Variants in CNKSR2 observed in about 807,000 individuals in gnomAD.
CNKSR2 encodes connector enhancer of kinase suppressor of Ras 2.
CNKSR2 carries 14 observed loss-of-function variants against 84.4 expected under a neutral mutation model. The ratio of observed to expected loss-of-function variants is 0.17; its 90% confidence interval spans 0.11 to 0.26. The LOEUF (loss-of-function observed/expected upper bound fraction) is 0.26. CNKSR2 is among the 10% of genes least tolerant of loss of function. The pLI is 1.00. For missense variants in CNKSR2, 485 were observed against 771.2 expected (o/e 0.63, Z 4.40); for synonymous variants, 275 against 277.9 (o/e 0.99, Z 0.10).
At position 21,654,110 on chromosome X, in the gene CNKSR2, C is replaced by A. The variant is rs1296120097; in HGVS notation, c.*1589C>A. The A allele has an allele frequency of 9.1e-6, 1 of 109,449 alleles. No homozygotes were observed. Among genetic ancestry groups the A allele is most frequent in the Non-Finnish European group, 1.9e-5 (1 of 52,560 alleles). 9.0% of individuals were successfully genotyped at this position (109,449 alleles called of 1,213,427 possible). On this transcript the variant is annotated 3_prime_UTR_variant, in exon 22 of 22. Transcript: ENST00000379510. ...CTTTCTACAGCACATTTTCAGTAAT[C>A]CTATATTTAGTCAAAATGGATGAGA...
chrX:21,546,789 A>G (rs925001398), intron 11 of CNKSR2, among the ~76,000 whole-genome samples: 3 of 112,029 alleles, frequency 2.7e-5, no homozygotes, highest in Non-Finnish European at 5.6e-5. Flanking sequence ...ATTCTTAAAG[A>G]AAAGAATTTT....
chrX:21,437,329 T>C (rs1001787142), intron 3 of CNKSR2, among the ~76,000 whole-genome samples: 1 of 110,668 alleles, frequency 9.0e-6, no homozygotes, highest in Non-Finnish European at 1.9e-5. Context: ...GAATCGAAAC[T>C]CTTTTCTAAT....
At chrX:21,535,683 A>G (rs190091269) in intron 11 of CNKSR2, among the ~76,000 whole-genome samples, 1 of 111,016 alleles carries the variant, frequency 9.0e-6, no homozygotes, top group African/African-American at 3.3e-5. Flanking sequence ...TTATTGGCAT[A>G]TAGAAACACT....
At chrX:21,522,652 G>C (rs941261065) in intron 9 of CNKSR2, among the ~76,000 whole-genome samples, 1 of 110,629 alleles carries the variant, frequency 9.0e-6, no homozygotes, top group African/African-American at 3.3e-5. Flanking sequence ...TATGTGCTCA[G>C]TTACCTTAGA....
At chrX:21,635,408 G>GTA (rs1199258753) in intron 20 of CNKSR2, among the ~76,000 whole-genome samples, 1 of 88,515 alleles carries the variant, frequency 1.1e-5, no homozygotes, top group Non-Finnish European at 2.2e-5. Flanking sequence ...GTGTGTGTGT[G>GTA]TATATATACA....
chrX:21,375,568 T>G (rs1379561894), intron 1 of CNKSR2, among the ~76,000 whole-genome samples: 3 of 112,261 alleles, frequency 2.7e-5, no homozygotes, highest in Non-Finnish European at 5.6e-5. Flanking sequence ...GACATCATGC[T>G]TCCCCTGGGA....
chrX:21,543,554 G>A (rs1053125352), intron 11 of CNKSR2, among the ~76,000 whole-genome samples: 1 of 111,971 alleles, frequency 8.9e-6, no homozygotes, highest in East Asian at 2.8e-4. Context: ...TGGAGAAATC[G>A]TCTAAGGAAG....
chrX:21,522,683 C>T (rs2091796869), intron 9 of CNKSR2, among the ~76,000 whole-genome samples: 1 of 110,314 alleles, frequency 9.1e-6, no homozygotes, highest in Non-Finnish European at 1.9e-5. Flanking sequence ...TTGGGGCGCA[C>T]AAAGAAAAGA....
intron 9 of CNKSR2, among the ~76,000 whole-genome samples, chrX:21,525,233 G>C: frequency 9.0e-6 from 1 of 110,872 alleles, no homozygotes; most frequent in Middle Eastern, 4.7e-3. Flanking sequence ...ATCAGTACAG[G>C]TGACTCCTAT....
chrX:21,467,287 T>A (rs2091140600), intron 4 of CNKSR2, among the ~76,000 whole-genome samples: 1 of 111,375 alleles, frequency 9.0e-6, no homozygotes, highest in South Asian at 3.8e-4. Flanking sequence ...GATCCGTACT[T>A]CTGGGAATCT....
intron 1 of CNKSR2, among the ~76,000 whole-genome samples, chrX:21,394,296 T>C (rs2090091410): frequency 1.8e-5 from 2 of 111,642 alleles, no homozygotes; most frequent in African/African-American, 6.5e-5. Context: ...ATAGCTCACA[T>C]GTGTTTGCCT....
intron 11 of CNKSR2, among the ~76,000 whole-genome samples, chrX:21,543,418 A>G (rs1359653915): frequency 8.9e-6 from 1 of 112,617 alleles, no homozygotes; most frequent in African/African-American, 3.2e-5. Flanking sequence ...TAAAGACTAC[A>G]TGTTGGTTAG....
chrX:21,629,627 T>TA (rs1207232832), intron 20 of CNKSR2, among the ~76,000 whole-genome samples: 1 of 111,015 alleles, frequency 9.0e-6, no homozygotes, highest in Non-Finnish European at 1.9e-5. Context: ...TCATGAGTCT[T>TA]ACAAGAACAG....
chrX:21,558,104 T>G (rs1285838221), intron 11 of CNKSR2, among the ~76,000 whole-genome samples: 1 of 111,561 alleles, frequency 9.0e-6, no homozygotes, highest in African/African-American at 3.2e-5. Context: ...CCATTTGAAC[T>G]TTGCTGTCCT....
At chrX:21,566,474 C>T (rs2092239106) in intron 13 of CNKSR2, among the ~76,000 whole-genome samples, 2 of 111,569 alleles carry the variant, frequency 1.8e-5, no homozygotes, top group African/African-American at 3.3e-5. Flanking sequence ...GTAATCTAAT[C>T]GCTTTCATGA....
chrX:21,472,631 T>A (rs1406385212), intron 5 of CNKSR2, among the ~76,000 whole-genome samples: 1 of 111,693 alleles, frequency 9.0e-6, no homozygotes, highest in Non-Finnish European at 1.9e-5. Flanking sequence ...GGAGGAATAG[T>A]TCCAGTTACA....
intron 4 of CNKSR2, among the ~76,000 whole-genome samples, chrX:21,469,391 G>A (rs959040019): frequency 4.5e-5 from 5 of 111,368 alleles, no homozygotes; most frequent in African/African-American, 1.3e-4. Flanking sequence ...ACTTTGCCCC[G>A]ATCTGCATAT....
chrX:21,633,144 A>T (rs2092655667), intron 20 of CNKSR2, among the ~76,000 whole-genome samples: 1 of 111,040 alleles, frequency 9.0e-6, no homozygotes, highest in Admixed American at 9.6e-5. Flanking sequence ...CCCTCCCGGA[A>T]AATGGCATCA....
At chrX:21,406,302 A>G (rs1002696348) in intron 1 of CNKSR2, among the ~76,000 whole-genome samples, 1 of 111,376 alleles carries the variant, frequency 9.0e-6, no homozygotes, top group Non-Finnish European at 1.9e-5. Flanking sequence ...CAGAAAAAGT[A>G]TCTTCCACAA....
Sources: gnomAD v4.1 joint callset for allele counts (sites outside exome capture counted in the v4.1 genomes callset) on GRCh38, gnomAD v4.1.1 for gene constraint, MANE v1.5 for transcripts, NCBI Gene and HGNC (gene_info 2026-07-23, HGNC 2026-07-21) for gene names.